Variants in PVT1 observed in about 807,000 individuals in gnomAD.
The protein encoded by PVT1 is Pvt1 oncogene.
chr8:127,818,758 A>C (rs1814695233), intron 2 of PVT1, among the ~76,000 whole-genome samples: 1 of 152,184 alleles, frequency 6.6e-6, no homozygotes, highest in Admixed American at 6.5e-5. Context: ...CTATAAAACT[A>C]GAAAATAAGT....
At chr8:127,956,900 T>C (rs1816576610) in intron 3 of PVT1, among the ~76,000 whole-genome samples, 1 of 152,244 alleles carries the variant, frequency 6.6e-6, no homozygotes, top group African/African-American at 2.4e-5. Context: ...TTCATTTTTA[T>C]TTTATCTTAA....
chr8:127,819,457 G>A (rs939892879), intron 2 of PVT1, among the ~76,000 whole-genome samples: 5 of 152,160 alleles, frequency 3.3e-5, no homozygotes, highest in Non-Finnish European at 5.9e-5. Context: ...TTGTACAAAC[G>A]GAGAAACTGA....
chr8:128,069,525 G>A (rs1283889237), intron 4 of PVT1, among the ~76,000 whole-genome samples: 1 of 152,162 alleles, frequency 6.6e-6, no homozygotes, highest in Non-Finnish European at 1.5e-5. Flanking sequence ...TCATGGTCAT[G>A]TGTCATTTCA....
chr8:127,825,476 A>G (rs907370088), intron 2 of PVT1, among the ~76,000 whole-genome samples: 3 of 152,188 alleles, frequency 2.0e-5, no homozygotes, highest in African/African-American at 7.2e-5. Context: ...ATTTTTCACT[A>G]TCATTTTGAG....
chr8:127,964,371 C>T (rs1041126325), intron 3 of PVT1, among the ~76,000 whole-genome samples: 1 of 152,218 alleles, frequency 6.6e-6, no homozygotes, highest in African/African-American at 2.4e-5. Context: ...AGCGACCAAC[C>T]GAAGCCACCA....
At chr8:128,044,011 A>AT (rs66807418) in intron 4 of PVT1, among the ~76,000 whole-genome samples, 3,984 of 97,800 alleles carry the variant, frequency 0.041, 115 homozygotes, top group South Asian at 0.055. Flanking sequence ...ATTATTATTT[A>AT]TTTATTTTTT....
At chr8:127,955,003 G>A (rs1236852814) in intron 3 of PVT1, among the ~76,000 whole-genome samples, 1 of 152,218 alleles carries the variant, frequency 6.6e-6, no homozygotes, top group African/African-American at 2.4e-5. Context: ...ATCATACTAT[G>A]TGTTATGGGC....
chr8:127,803,663 AG>A (rs947572290), intron 2 of PVT1: 3 of 151,330 alleles, frequency 2.0e-5, no homozygotes, highest in Admixed American at 1.3e-4. Flanking sequence ...TAGAGGTGGG[AG>A]GATTAGTTGA....
intron 2 of PVT1, among the ~76,000 whole-genome samples, chr8:127,817,032 C>T (rs949299612): frequency 4.1e-5 from 6 of 146,818 alleles, no homozygotes; most frequent in African/African-American, 1.3e-4. Flanking sequence ...CCGATACAAA[C>T]AGTGCTGCTG....
chr8:127,988,351 C>A (rs189812733), intron 3 of PVT1, among the ~76,000 whole-genome samples: 6 of 152,174 alleles, frequency 3.9e-5, no homozygotes, highest in Non-Finnish European at 4.4e-5. Flanking sequence ...AAAAGGGCAC[C>A]GTACTGTAAA....
chr8:127,832,583 G>A (rs1814862146), intron 2 of PVT1, among the ~76,000 whole-genome samples: 1 of 152,266 alleles, frequency 6.6e-6, no homozygotes, highest in South Asian at 2.1e-4. Flanking sequence ...ACATGGCCGG[G>A]TGTGGTGGCT....
intron 4 of PVT1, among the ~76,000 whole-genome samples, chr8:128,044,125 A>G (rs1478373550): frequency 6.6e-6 from 1 of 151,018 alleles, no homozygotes; most frequent in Non-Finnish European, 1.5e-5. Flanking sequence ...TTGAGACTAC[A>G]GGTATGAGTC....
intron 2 of PVT1, among the ~76,000 whole-genome samples, chr8:127,809,478 G>A (rs377621643): frequency 7.2e-5 from 11 of 152,204 alleles, no homozygotes; most frequent in African/African-American, 2.7e-4. Flanking sequence ...ACAGGAATGA[G>A]CCATCATGCT....
intron 3 of PVT1, among the ~76,000 whole-genome samples, chr8:127,981,814 C>T (rs1000662570): frequency 6.6e-6 from 1 of 152,206 alleles, no homozygotes; most frequent in Non-Finnish European, 1.5e-5. Context: ...TTTACAGTTT[C>T]CAAAGCATTT....
chr8:127,853,516 C>T lies in PVT1; in HGVS notation n.373-37073C>T, dbSNP rs2004668. Among the ~76,000 whole-genome samples, 1,286 of 152,190 alleles carry T rather than the reference C, an allele frequency of 8.4e-3. 19 individuals carry two copies. The highest frequency in any genetic ancestry group is 0.029 in the African/African-American group (1,220 of 41,510). ...ATGAGAGGAGCCATGCGTGATGGCT[C>T]GAGCCTGTAATCCCAGCACTTTGGG... On this transcript the variant is annotated intron_variant and non_coding_transcript_variant, in intron 2 of 10. Coordinates refer to ENST00000651587, the Ensembl canonical transcript of PVT1.
intron 2 of PVT1, among the ~76,000 whole-genome samples, chr8:127,847,354 G>T (rs1240807896): frequency 6.6e-6 from 1 of 152,192 alleles, no homozygotes; most frequent in African/African-American, 2.4e-5. Flanking sequence ...AAGCTGTGTT[G>T]CTGGACGGAA....
chr8:127,880,687 G>A (rs115191594), intron 2 of PVT1, among the ~76,000 whole-genome samples: 1 of 143,302 alleles, frequency 7.0e-6, no homozygotes, highest in Admixed American at 7.3e-5. Flanking sequence ...TGCAACTTCC[G>A]CCTGCTGGGT....
At chr8:127,879,385 C>T (rs1278095859) in intron 2 of PVT1, among the ~76,000 whole-genome samples, 8 of 151,948 alleles carry the variant, frequency 5.3e-5, no homozygotes, top group Admixed American at 3.3e-4. Context: ...AAAAATTAGC[C>T]GGGCGTGGTG....
intron 3 of PVT1, chr8:127,948,207 A>C: frequency 3.0e-6 from 1 of 334,374 alleles, no homozygotes. Context: ...GGCGTGTAGT[A>C]GTGTTTTCCT....
Sources: allele counts gnomAD v4.1 joint callset (sites outside exome capture counted in the v4.1 genomes callset), GRCh38; gene constraint gnomAD v4.1.1; transcripts MANE v1.5; gene names NCBI Gene and HGNC (gene_info 2026-07-23, HGNC 2026-07-21).